Variants in DOCK11 observed in about 807,000 individuals in gnomAD.
DOCK11 encodes the protein dedicator of cytokinesis protein 11.
A neutral mutation model predicts 169.1 loss-of-function variants in DOCK11; 70 were observed. The ratio of observed to expected loss-of-function variants is 0.41; its 90% CI spans 0.34 to 0.51. The LOEUF (loss-of-function observed/expected upper bound fraction) is 0.51, where lower values mean the gene tolerates loss of function less well. Among genes scored for constraint, DOCK11 ranks in the 20% least tolerant of loss-of-function variants. The pLI is 0.10. For synonymous variants in DOCK11, 529 were observed against 541.3 expected (o/e 0.98, Z 0.32); for missense variants, 1,166 against 1,538.8 (o/e 0.76, Z 4.05).
intron 1 of DOCK11, among the ~76,000 whole-genome samples, chrX:118,541,256 C>T (rs1227960426): frequency 9.0e-6 from 1 of 111,607 alleles, no homozygotes; most frequent in Non-Finnish European, 1.9e-5. Context: ...TTTCTTTCCG[C>T]CCCCCGCTCC....
intron 46 of DOCK11, among the ~76,000 whole-genome samples, chrX:118,675,172 T>A (rs190869213): frequency 4.1e-4 from 46 of 112,560 alleles, no homozygotes; most frequent in Non-Finnish European, 7.5e-4. Context: ...TCTCTTTTTC[T>A]GGAAGTGCGG....
At chrX:118,527,121 T>C (rs2011394688) in intron 1 of DOCK11, among the ~76,000 whole-genome samples, 1 of 112,402 alleles carries the variant, frequency 8.9e-6, no homozygotes, top group Non-Finnish European at 1.9e-5. Context: ...TATATAGTTG[T>C]ATTTCATGTA....
At chrX:118,628,868 A>G (rs943249667) in intron 34 of DOCK11, among the ~76,000 whole-genome samples, 1 of 112,719 alleles carries the variant, frequency 8.9e-6, no homozygotes, top group African/African-American at 3.2e-5. Context: ...TTATATTAGA[A>G]GGGACTATAA....
chrX:118,589,140 A>G (rs986910826), intron 18 of DOCK11, among the ~76,000 whole-genome samples: 1 of 111,772 alleles, frequency 8.9e-6, no homozygotes, highest in African/African-American at 3.3e-5. Context: ...TGGGTCTTAC[A>G]CTCAAACCAC....
At chrX:118,657,402 T>G (rs1451106833) in intron 44 of DOCK11, among the ~76,000 whole-genome samples, 1 of 112,340 alleles carries the variant, frequency 8.9e-6, no homozygotes. Context: ...TTTAAATTTC[T>G]TTTAATTAAA....
At chrX:118,677,335 G>C (rs148196685) in intron 48 of DOCK11, among the ~76,000 whole-genome samples, 1 of 112,263 alleles carries the variant, frequency 8.9e-6, no homozygotes, top group Non-Finnish European at 1.9e-5. Context: ...ATAGTGAGAA[G>C]GCTTATATTA....
chrX:118,647,742 AATAT>A (rs1335771884), intron 40 of DOCK11, among the ~76,000 whole-genome samples: 2 of 51,683 alleles, frequency 3.9e-5, no homozygotes, highest in South Asian at 1.1e-3. Context: ...AATATAATAT[AATAT>A]ATAATAATAT....
At chrX:118,671,746 C>A (rs145228485) in intron 46 of DOCK11, among the ~76,000 whole-genome samples, 1,930 of 111,705 alleles carry the variant, frequency 0.017, 24 homozygotes, top group Middle Eastern at 0.042. Context: ...GTGGCGCAAT[C>A]TTGGCTCACT....
intron 40 of DOCK11, among the ~76,000 whole-genome samples, chrX:118,645,885 T>TAAA (rs1255554011): frequency 0.013 from 946 of 74,736 alleles, 16 homozygotes; most frequent in African/African-American, 0.045. Flanking sequence ...TGTCTCTAGT[T>TAAA]AAAAAAAAAA....
chrX:118,571,206 C>T (rs988912332), intron 10 of DOCK11, among the ~76,000 whole-genome samples: 1 of 111,069 alleles, frequency 9.0e-6, no homozygotes, highest in Non-Finnish European at 1.9e-5. Context: ...TACCTACTAC[C>T]GTCACCACAA....
At chrX:118,545,953 C>A in intron 5 of DOCK11, 68 bp from the exon 6 acceptor site, 1 of 758,684 alleles carries the variant, frequency 1.3e-6, no homozygotes. Flanking sequence ...ATTCTGTGCC[C>A]CTAAATGTTT....
Position 118,545,981 on chromosome X carries a change from G to A in DOCK11, c.463-40G>A, listed in dbSNP as rs202133846. The stretch of plus-strand genomic sequence containing the variant: ...AAATGTTTCGCTAATTAGATGGCAG[G>A]CTGGCTGTTGTTTTACTGATAATTT... On this transcript the variant is annotated intron_variant, in intron 5 of 52. Coordinates refer to ENST00000276202, the MANE Select transcript of DOCK11 (RefSeq NM_144658.4). 481 of 991,065 alleles carry A rather than the reference G, an allele frequency of 4.9e-4. 2 individuals are homozygous for A. In the African/African-American group the frequency reaches 8.5e-3, roughly 18 times the overall value. The allele number at this position is 991,065 out of a possible 1,213,427, so 81.7% of individuals were successfully genotyped here. A position where few individuals can be genotyped will look rare whatever the true frequency, so the allele number is the denominator to read the frequency against.
intron 27 of DOCK11, 93 bp downstream of exon 27, chrX:118,609,442 T>G: frequency 1.5e-6 from 1 of 676,400 alleles, no homozygotes; most frequent in Non-Finnish European, 2.2e-6. Context: ...AAAGCTAATC[T>G]TACTCTCAGA....
Position 118,654,745 on chromosome X carries a change from C to T in DOCK11, c.4839C>T (p.Ser1613=), listed in dbSNP as rs553307079. 7.4e-5 allele frequency: 89 copies of T among 1,210,135 alleles called. No homozygotes were observed. In the Middle Eastern group the frequency reaches 1.1e-3, roughly 16 times the overall value. Residue 1613 remains serine (S), a synonymous_variant, in exon 43 of 53, where the codon AGC becomes AGT. Coordinates refer to ENST00000276202, the MANE Select transcript of DOCK11 (RefSeq NM_144658.4). ...LQYSLAKSYA[S]TPELRKTWLD... is the part of the protein sequence containing the mutation. ...ATAGCTTAGCCAAGTCCTATGCAAGCACCCCAGAGCTCAGGAAAACCTGGC... is the reference window on the plus strand; with the variant it reads ...ATAGCTTAGCCAAGTCCTATGCAAGTACCCCAGAGCTCAGGAAAACCTGGC...
chrX:118,569,091 C>CTTTTTTTTTTTTTTTTTTTT (rs1186200391), intron 10 of DOCK11, among the ~76,000 whole-genome samples: 4 of 45,007 alleles, frequency 8.9e-5, no homozygotes, highest in Non-Finnish European at 1.2e-4. Flanking sequence ...TCTTTCTTTC[C>CTTTTTTTTTTTTTTTTTTTT]TTTTTTTTTT....
chrX:118,626,956 G>A (rs2015120402), intron 32 of DOCK11, among the ~76,000 whole-genome samples: 1 of 112,548 alleles, frequency 8.9e-6, no homozygotes, highest in African/African-American at 3.2e-5. Context: ...CAGGCTGGGC[G>A]CCGTGGCACA....
At chrX:118,654,022 T>A (rs1569442627) in intron 42 of DOCK11, among the ~76,000 whole-genome samples, 1 of 112,359 alleles carries the variant, frequency 8.9e-6, no homozygotes, top group Non-Finnish European at 1.9e-5. Flanking sequence ...GTTTTCACCT[T>A]AGTGTATGTG....
chrX:118,537,426 T>G (rs2011797740), intron 1 of DOCK11, among the ~76,000 whole-genome samples: 1 of 111,758 alleles, frequency 8.9e-6, no homozygotes, highest in Non-Finnish European at 1.9e-5. Flanking sequence ...AGTAAAAGAT[T>G]TACCGGTAAA....
At chrX:118,663,477 A>G (rs947941577) in intron 45 of DOCK11, among the ~76,000 whole-genome samples, 23 of 110,976 alleles carry the variant, frequency 2.1e-4, no homozygotes, top group African/African-American at 7.2e-4. Flanking sequence ...AAGGCATCCT[A>G]AGAGACAGGA....
Sources: allele counts gnomAD v4.1 joint callset (sites outside exome capture counted in the v4.1 genomes callset), GRCh38; gene constraint gnomAD v4.1.1; transcripts MANE v1.5; gene names NCBI Gene and HGNC (gene_info 2026-07-23, HGNC 2026-07-21).